AP3D1: variants seen among roughly 807,000 people sequenced by gnomAD.
AP3D1 encodes the protein AP-3 complex subunit delta-1.
A neutral mutation model predicts 147.6 loss-of-function variants in AP3D1; 51 were observed. The observed-to-expected ratio is 0.35, with a 90% CI of 0.28 to 0.44. The LOEUF (loss-of-function observed/expected upper bound fraction) is 0.44. AP3D1 is among the 20% of genes least tolerant of loss of function. AP3D1 has a pLI of 1.00. For missense variants in AP3D1, 1,421 were observed against 1,624.2 expected (o/e 0.87, Z 2.15); for synonymous variants, 760 against 663.0 (o/e 1.15, Z -2.25).
rs1219494585 is a variant in AP3D1, at chr19:2,112,348, C to CTCTG, written c.2787+508_2787+511dup. On this transcript the variant is annotated intron_variant, in intron 24 of 31. Transcript: ENST00000643116. ...GACCCGGCCACGAACAGGAACCAGG[C>CTCTG]TCTGACCCAAGCCATAGTGTGGATG... 7.2e-5 allele frequency: 13 copies of CTCTG among 180,500 alleles called. No homozygotes were observed. The East Asian group carries it at 2.0e-3, about 28-fold the overall frequency. The allele number at this position is 180,500 out of a possible 1,614,324, so 11.2% of individuals were successfully genotyped here.
chr19:2,129,534 AG>A, intron 6 of AP3D1, 77 bp from the exon 7 acceptor site: 1 of 1,522,744 alleles, frequency 6.6e-7, no homozygotes, highest in Non-Finnish European at 8.8e-7. Context: ...CTGGCCCGCG[AG>A]GAAGTTCTGG....
intron 1 of AP3D1, among the ~76,000 whole-genome samples, chr19:2,149,743 A>T (rs1371206119): frequency 1.3e-5 from 2 of 152,156 alleles, no homozygotes; most frequent in Non-Finnish European, 2.9e-5. Flanking sequence ...CCCCTGGCCC[A>T]TCGTCAGGGT....
chr19:2,130,314 C>G, intron 6 of AP3D1, 94 bp downstream of exon 6: 2 of 1,553,844 alleles, frequency 1.3e-6, no homozygotes, highest in Non-Finnish European at 1.7e-6. Context: ...TTCACCACTC[C>G]CCGCAGCACC....
intron 14 of AP3D1, among the ~76,000 whole-genome samples, chr19:2,119,431 C>T (rs1294468487): frequency 1.3e-5 from 2 of 151,728 alleles, no homozygotes; most frequent in Middle Eastern, 3.2e-3. Context: ...CGGTGGCTAA[C>T]GCCTGTAATC....
At chr19:2,120,809 A>T in intron 14 of AP3D1, 53 bp downstream of exon 14, 1 of 1,544,964 alleles carries the variant, frequency 6.5e-7, no homozygotes, top group Non-Finnish European at 8.8e-7. Flanking sequence ...CCTGGTCCCT[A>T]CCCCTCAGAA....
At position 2,102,171 on chromosome 19, in the gene AP3D1, T is replaced by C; in HGVS notation, c.*2A>G. On this transcript the variant is annotated 3_prime_UTR_variant, in exon 32 of 32. Transcript: ENST00000643116. The stretch of plus-strand genomic sequence containing the variant: ...GGGTGGTGCGGGGCTCGCAGGCAGC[T>C]CTCAACACTTGGCCAGCGTCGCCTT... 1 of 1,612,708 alleles carries C rather than the reference T, an allele frequency of 6.2e-7. No individual in the cohort carries two copies.
rs1396685130 is a variant in AP3D1 at position 2,118,621 on chromosome 19, C to T, written c.1693G>A (p.Asp565Asn). Residue 565 changes from aspartate (D) to asparagine (N), a missense_variant, in exon 15 of 32, where the codon GAC becomes AAC. Asp to Asn is a conservative substitution (Grantham distance 23). This residue lies in a region of AP3D1 where 310 missense variants were observed against 388.1 expected (regional missense o/e 0.80). Transcript: ENST00000643116. ...CTTACCCGCTCCTGCACCTCCAGGT[C>T]TGCGCTCTGCACAAACTGGGGCAGC... Reference protein sequence around the residue: ...DRLPQFVQSADLEVQERASCI... With the variant: ...DRLPQFVQSANLEVQERASCI... 4 of 1,610,728 alleles carry T rather than the reference C, an allele frequency of 2.5e-6. No individual in the cohort carries two copies. The highest frequency in any genetic ancestry group is 3.4e-6 in the Non-Finnish European group (4 of 1,179,942).
intron 1 of AP3D1, among the ~76,000 whole-genome samples, chr19:2,140,480 C>CTTT (rs34572080): frequency 1.4e-5 from 2 of 147,508 alleles, no homozygotes; most frequent in Non-Finnish European, 1.5e-5. Flanking sequence ...ACTTGCTTGA[C>CTTT]TTTTTTTTTT....
In AP3D1 at chr19:2,164,030, C is replaced by CGCGGCG. The variant is rs576715318; in HGVS notation, c.-103+320_-103+325dup. On this transcript the variant is annotated intron_variant, in intron 1 of 14. Coordinates refer to the AP3D1 transcript ENST00000643010. The stretch of plus-strand genomic sequence containing the variant: ...AGTCGGGGGCCGGGCCGGACCGGAG[C>CGCGGCG]GCGGCGGCGGCGGCGGCGGCGGCCG... 2.1e-3 allele frequency: 622 copies of CGCGGCG among 301,148 alleles called. 1 individual carries two copies. The highest frequency in any genetic ancestry group is 2.9e-3 in the Admixed American group (48 of 16,794). The allele number at this position is 301,148 out of a possible 1,614,324, so 18.7% of individuals were successfully genotyped here.
rs138883145 is a variant in AP3D1, at chr19:2,151,228, G to A, written c.96+11C>T. ...ACCAGGCCGAGCAGCCCCTTGGCGCGCCGGGCTCACCTCGTCCTCCTTGTG... is the reference window on the plus strand; with the variant it reads ...ACCAGGCCGAGCAGCCCCTTGGCGCACCGGGCTCACCTCGTCCTCCTTGTG... On this transcript the variant is annotated intron_variant, in intron 1 of 31. Coordinates refer to ENST00000643116, the MANE Select transcript of AP3D1 (RefSeq NM_001261826.3). 2.4e-4 allele frequency: 378 copies of A among 1,607,644 alleles called. No homozygotes were observed. The African/African-American group carries it at 2.9e-3, about 13-fold the overall frequency.
At chr19:2,164,259 G>T in intron 1 of AP3D1, 2 of 1,272,510 alleles carry the variant, frequency 1.6e-6, no homozygotes, top group Non-Finnish European at 9.9e-7. Flanking sequence ...GGCCGCTGCC[G>T]GTCTACGTGA....
chr19:2,116,391 A>C, intron 17 of AP3D1, 113 bp from the exon 18 acceptor site: 1 of 1,299,438 alleles, frequency 7.7e-7, no homozygotes, highest in Non-Finnish European at 1.0e-6. Context: ...TATTTTCACT[A>C]CTGAGCTTTC....
chr19:2,135,405 G>A (rs1423607322), intron 4 of AP3D1, among the ~76,000 whole-genome samples: 1 of 151,022 alleles, frequency 6.6e-6, no homozygotes, highest in Non-Finnish European at 1.5e-5. Flanking sequence ...GCATGGTGGC[G>A]GGCACCTGTA....
rs746630756 is a variant in AP3D1, at chr19:2,127,201, G to A, written c.807C>T (p.Ser269=). The part of the protein sequence containing the change: ...LIEPLTNLIH[S]TSAMSLLYEC... ...CATAGAGGAGAGACATGGCAGACGT[G>A]CTAAGGAAAGGAACACAGGGAAGCG... Residue 269 remains serine (S), a splice_region_variant and synonymous_variant, in exon 9 of 32, where the codon AGC becomes AGT. Transcript: ENST00000643116. 5 of 1,613,752 alleles carry A rather than the reference G, an allele frequency of 3.1e-6. No individual in the cohort carries two copies. In the Admixed American group the frequency reaches 5.0e-5, roughly 16 times the overall value.
At chr19:2,142,830 T>A (rs1038820902) in intron 1 of AP3D1, among the ~76,000 whole-genome samples, 2 of 152,012 alleles carry the variant, frequency 1.3e-5, no homozygotes, top group African/African-American at 4.8e-5. Flanking sequence ...TGGTGTGATC[T>A]TGGCTCACCA....
chr19:2,121,451 C>G, intron 12 of AP3D1, 140 bp from the exon 13 acceptor site: 1 of 1,197,086 alleles, frequency 8.4e-7, no homozygotes, highest in Non-Finnish European at 1.2e-6. Context: ...AGGGAGGCAG[C>G]AGGCCCCTGC....
intron 1 of AP3D1, among the ~76,000 whole-genome samples, chr19:2,147,487 C>G (rs1160039726): frequency 7.0e-6 from 1 of 143,654 alleles, no homozygotes; most frequent in African/African-American, 2.6e-5. Flanking sequence ...ACCCAGGAGG[C>G]GGAACTTGCA....
intron 1 of AP3D1, among the ~76,000 whole-genome samples, chr19:2,160,191 T>A (rs2019684749): frequency 6.6e-6 from 1 of 152,092 alleles, no homozygotes; most frequent in African/African-American, 2.4e-5. Context: ...TAACAGGAAC[T>A]ATGGGAATGA....
At chr19:2,159,850 G>C (rs1302996479) in intron 1 of AP3D1, among the ~76,000 whole-genome samples, 1 of 151,270 alleles carries the variant, frequency 6.6e-6, no homozygotes. Flanking sequence ...ATGAGTAGCT[G>C]GGTCTACAGG....
Sources: gnomAD v4.1 joint callset for allele counts (sites outside exome capture counted in the v4.1 genomes callset) on GRCh38, gnomAD v4.1.1 for gene constraint, gnomAD v4.1.1 regional missense constraint, MANE v1.5 for transcripts, NCBI Gene and HGNC (gene_info 2026-07-23, HGNC 2026-07-21) for gene names.